SCHIP1: variants seen among roughly 807,000 people sequenced by gnomAD.
The protein encoded by SCHIP1 is schwannomin-interacting protein 1.
In SCHIP1, 8 loss-of-function variants were observed where a neutral mutation model predicts 29.7. The observed-to-expected ratio is 0.27, with a 90% confidence interval of 0.16 to 0.49. The LOEUF (loss-of-function observed/expected upper bound fraction) is 0.49. SCHIP1 is among the 20% of genes least tolerant of loss of function. The pLI, the probability that SCHIP1 is intolerant of heterozygous loss-of-function variation, is 0.99. For missense variants in SCHIP1, 193 were observed against 294.6 expected (o/e 0.66, Z 2.52); for synonymous variants, 76 against 94.9 (o/e 0.80, Z 1.16).
At chr3:159,843,001 C>CTTCTTTTTTTTTTTTTTTTTTTTT (rs1744394617) in intron 1 of SCHIP1, among the ~76,000 whole-genome samples, 2 of 63,710 alleles carry the variant, frequency 3.1e-5, no homozygotes, top group African/African-American at 9.4e-5. Flanking sequence ...ATATTTCTTT[C>CTTCTTTTTTTTTTTTTTTTTTTTT]TTTTTTTTTT....
the SCHIP1 span, among the ~76,000 whole-genome samples, chr3:159,599,737 CATTGCGGTCTGGTGGATTTT>C: frequency 1.2e-4 from 18 of 152,102 alleles, no homozygotes; most frequent in African/African-American, 4.3e-4. Flanking sequence ...ATCTTATTGT[CATTGCGGTCTGGTGGATTTT>C]AGTACTGGTA....
the SCHIP1 span, among the ~76,000 whole-genome samples, chr3:159,400,313 C>T: frequency 6.6e-6 from 1 of 152,118 alleles, no homozygotes; most frequent in Non-Finnish European, 1.5e-5. Flanking sequence ...GAGTATTCAC[C>T]TATGATAATT....
the SCHIP1 span, among the ~76,000 whole-genome samples, chr3:159,465,972 T>C: frequency 6.6e-6 from 1 of 152,188 alleles, no homozygotes; most frequent in Non-Finnish European, 1.5e-5. Context: ...CTAATTATTT[T>C]TCCTCCTACA....
chr3:159,679,920 T>A, the SCHIP1 span, among the ~76,000 whole-genome samples: 1 of 151,902 alleles, frequency 6.6e-6, no homozygotes, highest in Non-Finnish European at 1.5e-5. Context: ...CTTCCTGGAG[T>A]GTTCCACTCC....
chr3:159,701,152 T>C, the SCHIP1 span, among the ~76,000 whole-genome samples: 1 of 152,226 alleles, frequency 6.6e-6, no homozygotes, highest in Non-Finnish European at 1.5e-5. Context: ...TGATCATCTC[T>C]ATCTACAGAA....
chr3:159,839,004 A>G (rs879624004), upstream of SCHIP1, among the ~76,000 whole-genome samples: 22 of 151,872 alleles, frequency 1.4e-4, no homozygotes, highest in Non-Finnish European at 5.9e-5. Context: ...TTTCCCCCTT[A>G]ATTTTCTCAT....
chr3:159,473,015 A>C, the SCHIP1 span, among the ~76,000 whole-genome samples: 1 of 152,196 alleles, frequency 6.6e-6, no homozygotes, highest in Non-Finnish European at 1.5e-5. Context: ...ATTATTTTGC[A>C]TTATATAGAA....
chr3:159,554,004 GTGTGTGTGTGTGTGTT>G, the SCHIP1 span, among the ~76,000 whole-genome samples: 5 of 123,270 alleles, frequency 4.1e-5, no homozygotes, highest in African/African-American at 2.1e-4. Flanking sequence ...GTGTGTGTGT[GTGTGTGTGTGTGTGTT>G]TGTGTATGTG....
At chr3:159,732,618 G>C in the SCHIP1 span, among the ~76,000 whole-genome samples, 263 of 152,322 alleles carry the variant, frequency 1.7e-3, 8 homozygotes, top group East Asian at 0.043. Context: ...ACTTCCTGTG[G>C]GGAGAAGGCA....
chr3:159,821,707 G>C, the SCHIP1 span, among the ~76,000 whole-genome samples: 1 of 152,178 alleles, frequency 6.6e-6, no homozygotes, highest in Admixed American at 6.5e-5. Context: ...AGCAACCTCA[G>C]CATTCATTTT....
chr3:159,679,574 G>T, the SCHIP1 span, among the ~76,000 whole-genome samples: 3 of 152,146 alleles, frequency 2.0e-5, no homozygotes, highest in Non-Finnish European at 4.4e-5. Flanking sequence ...AGTAAACAGA[G>T]GTATCATCCT....
the SCHIP1 span, among the ~76,000 whole-genome samples, chr3:159,549,593 G>A: frequency 2.0e-5 from 3 of 152,100 alleles, no homozygotes; most frequent in Non-Finnish European, 2.9e-5. Flanking sequence ...CCAATTTAAG[G>A]AGAAAGTTTC....
the SCHIP1 span, among the ~76,000 whole-genome samples, chr3:159,519,700 T>C: frequency 6.6e-6 from 1 of 152,094 alleles, no homozygotes; most frequent in Non-Finnish European, 1.5e-5. Flanking sequence ...ATTGAATGTT[T>C]CAGGTTTAAG....
chr3:159,467,214 T>C, the SCHIP1 span, among the ~76,000 whole-genome samples: 1 of 152,156 alleles, frequency 6.6e-6, no homozygotes, highest in Non-Finnish European at 1.5e-5. Flanking sequence ...TTCATTATAT[T>C]TAAATGAGTA....
chr3:159,754,098 C>G, the SCHIP1 span, among the ~76,000 whole-genome samples: 21 of 152,334 alleles, frequency 1.4e-4, no homozygotes, highest in African/African-American at 4.6e-4. Flanking sequence ...ATTTGTCTCT[C>G]TTACCACTTT....
the SCHIP1 span, among the ~76,000 whole-genome samples, chr3:159,706,962 A>G: frequency 1.3e-5 from 2 of 152,244 alleles, no homozygotes; most frequent in South Asian, 4.2e-4. Flanking sequence ...TGTGTCCAGC[A>G]CTCTTAAGTG....
At chr3:159,286,431 C>T in the SCHIP1 span, among the ~76,000 whole-genome samples, 1 of 152,146 alleles carries the variant, frequency 6.6e-6, no homozygotes, top group Non-Finnish European at 1.5e-5. Context: ...GTTTAGTATT[C>T]CATGGTGTAT....
At chr3:159,764,417 G>A in the SCHIP1 span, 1 of 1,554,272 alleles carries the variant, frequency 6.4e-7, no homozygotes. The surrounding 1 kb of genome is among the most constrained non-coding windows in gnomAD (Gnocchi z 6.1). Flanking sequence ...TGGCCCAGCA[G>A]CTCACTCTCT....
the SCHIP1 span, among the ~76,000 whole-genome samples, chr3:159,418,783 C>A: frequency 1.4e-5 from 2 of 142,082 alleles, no homozygotes; most frequent in Non-Finnish European, 3.0e-5. Context: ...TTGGTGATAG[C>A]CTGAAGCCTC....
Sources: allele counts gnomAD v4.1 joint callset (sites outside exome capture counted in the v4.1 genomes callset), GRCh38; gene constraint gnomAD v4.1.1; non-coding constraint Gnocchi (gnomAD v3.1); transcripts MANE v1.5; gene names NCBI Gene and HGNC (gene_info 2026-07-23, HGNC 2026-07-21).